The following AFG2A variants were observed in gnomAD, a reference collection of about 807,000 sequenced individuals.
AFG2A encodes the protein ATPase family gene 2 protein homolog A.
the AFG2A span, among the ~76,000 whole-genome samples, chr4:123,166,012 C>A: frequency 6.6e-6 from 1 of 152,118 alleles, no homozygotes; most frequent in African/African-American, 2.4e-5. Context: ...TTTTTAATTT[C>A]TATTTCTGGA....
chr4:123,165,145 T>A, the AFG2A span, among the ~76,000 whole-genome samples: 1 of 152,142 alleles, frequency 6.6e-6, no homozygotes, highest in African/African-American at 2.4e-5. Context: ...TATTATTCCC[T>A]TTATATGAAA....
the AFG2A span, among the ~76,000 whole-genome samples, chr4:123,059,280 T>A: frequency 6.6e-6 from 1 of 151,444 alleles, no homozygotes; most frequent in Middle Eastern, 3.4e-3. Flanking sequence ...ATTAGGTATA[T>A]CTCCTAAAGC....
chr4:123,311,643 A>C, the AFG2A span, among the ~76,000 whole-genome samples: 37 of 145,000 alleles, frequency 2.6e-4, 1 homozygote, highest in South Asian at 6.6e-3. Context: ...AAAAAAAAAA[A>C]AAAAAAAAAA....
the AFG2A span, among the ~76,000 whole-genome samples, chr4:123,176,125 T>TAAA: frequency 2.0e-5 from 3 of 152,144 alleles, no homozygotes; most frequent in African/African-American, 7.2e-5. Context: ...AAGCTAATGG[T>TAAA]GTAATTGGTA....
chr4:123,193,662 G>A, the AFG2A span, among the ~76,000 whole-genome samples: 18 of 152,256 alleles, frequency 1.2e-4, no homozygotes, highest in East Asian at 3.9e-4. Flanking sequence ...GAGTAAAAGC[G>A]AAGAAGATGT....
At chr4:122,963,677 T>C in the AFG2A span, among the ~76,000 whole-genome samples, 1 of 152,156 alleles carries the variant, frequency 6.6e-6, no homozygotes, top group African/African-American at 2.4e-5. Context: ...TGGGAGGTCA[T>C]GGGAGTGTGG....
chr4:123,231,099 T>C, the AFG2A span, among the ~76,000 whole-genome samples: 1 of 151,946 alleles, frequency 6.6e-6, no homozygotes, highest in Non-Finnish European at 1.5e-5. Context: ...CCAACTGCAT[T>C]AGCCCCCAAC....
chr4:123,171,802 A>G, the AFG2A span, among the ~76,000 whole-genome samples: 1 of 151,956 alleles, frequency 6.6e-6, no homozygotes. Context: ...TTTTCCATAA[A>G]TTTTCCACAA....
the AFG2A span, among the ~76,000 whole-genome samples, chr4:122,936,967 C>T: frequency 2.0e-5 from 3 of 151,948 alleles, no homozygotes; most frequent in African/African-American, 4.8e-5. Flanking sequence ...GGGACAAGAG[C>T]GAGACTTTGA....
the AFG2A span, among the ~76,000 whole-genome samples, chr4:122,978,648 T>C: frequency 6.6e-6 from 1 of 152,164 alleles, no homozygotes; most frequent in Non-Finnish European, 1.5e-5. Context: ...ATCAATCATG[T>C]CGTCCATGGT....
At chr4:123,107,994 T>C in the AFG2A span, among the ~76,000 whole-genome samples, 1 of 152,186 alleles carries the variant, frequency 6.6e-6, no homozygotes, top group Admixed American at 6.5e-5. Flanking sequence ...CAAGGATGCC[T>C]GGGTGCAGAG....
At chr4:123,197,774 T>TAAATAAAC in the AFG2A span, among the ~76,000 whole-genome samples, 1 of 150,488 alleles carries the variant, frequency 6.6e-6, no homozygotes, top group Non-Finnish European at 1.5e-5. Context: ...TCTCAAAAAA[T>TAAATAAAC]AAATAAATAA....
At chr4:123,207,042 A>G in the AFG2A span, among the ~76,000 whole-genome samples, 7,922 of 152,256 alleles carry the variant, frequency 0.052, 693 homozygotes, top group African/African-American at 0.18. Context: ...ATATCCTGAC[A>G]GCCTCATGGA....
the AFG2A span, among the ~76,000 whole-genome samples, chr4:123,275,196 G>A: frequency 4.6e-5 from 7 of 152,074 alleles, no homozygotes; most frequent in Admixed American, 4.6e-4. Context: ...TTCTTTCCTT[G>A]AGTCAATGCA....
the AFG2A span, among the ~76,000 whole-genome samples, chr4:122,979,040 T>A: frequency 1.3e-5 from 2 of 152,178 alleles, no homozygotes; most frequent in Admixed American, 1.3e-4. Context: ...CCCCACCAAC[T>A]TGGAAAAGAG....
chr4:123,061,763 T>C, the AFG2A span, among the ~76,000 whole-genome samples: 295 of 152,320 alleles, frequency 1.9e-3, no homozygotes, highest in African/African-American at 5.8e-3. Flanking sequence ...ACTCAAGCCC[T>C]TTTATTACTT....
the AFG2A span, among the ~76,000 whole-genome samples, chr4:123,021,649 G>A: frequency 6.6e-6 from 1 of 152,170 alleles, no homozygotes; most frequent in African/African-American, 2.4e-5. Flanking sequence ...TCCTCTTTGA[G>A]CATTTTCTTA....
the AFG2A span, chr4:123,318,684 G>C: frequency 3.4e-5 from 5 of 148,302 alleles, no homozygotes; most frequent in African/African-American, 1.2e-4. Context: ...CTACTCGGTC[G>C]GGGGTTGAGG....
At chr4:123,244,653 A>G in the AFG2A span, among the ~76,000 whole-genome samples, 6 of 152,242 alleles carry the variant, frequency 3.9e-5, no homozygotes, top group Non-Finnish European at 7.3e-5. Flanking sequence ...CATTTACCAT[A>G]TCATCCATTC....
Sources: gnomAD v4.1 joint callset for allele counts (sites outside exome capture counted in the v4.1 genomes callset) on GRCh38, gnomAD v4.1.1 for gene constraint, MANE v1.5 for transcripts, NCBI Gene and HGNC (gene_info 2026-07-23, HGNC 2026-07-21) for gene names.